SNTG1: variants seen among roughly 807,000 people sequenced by gnomAD.
SNTG1 encodes gamma-1-syntrophin.
In SNTG1, 39 loss-of-function variants were observed where a neutral mutation model predicts 74.7. That is an observed-to-expected ratio of 0.52 (90% CI 0.40 to 0.68). The LOEUF (loss-of-function observed/expected upper bound fraction) is 0.68, where lower values mean the gene tolerates loss of function less well. SNTG1 is among the 30% of genes least tolerant of loss of function. The pLI is 0.00. For missense variants in SNTG1, 685 were observed against 609.5 expected, an observed-to-expected ratio of 1.12 and a Z score of -1.30; for synonymous variants, 254 against 217.1, an observed-to-expected ratio of 1.17 and a Z score of -1.49.
intron 2 of SNTG1, among the ~76,000 whole-genome samples, chr8:50,300,167 A>G (rs1409426095): frequency 6.6e-6 from 1 of 152,176 alleles, no homozygotes; most frequent in Non-Finnish European, 1.5e-5. Flanking sequence ...TGTCAAATTT[A>G]TTGTAATTTT....
At chr8:50,601,842 G>A (rs1177904822) in intron 13 of SNTG1, among the ~76,000 whole-genome samples, 2 of 152,032 alleles carry the variant, frequency 1.3e-5, no homozygotes, top group Admixed American at 6.6e-5. Flanking sequence ...TCCTCTTGAT[G>A]AATTTAACTT....
chr8:50,237,697 G>A (rs1030381756), intron 2 of SNTG1, among the ~76,000 whole-genome samples: 22 of 151,932 alleles, frequency 1.4e-4, no homozygotes, highest in African/African-American at 5.1e-4. Flanking sequence ...ATCCATCACT[G>A]TTAAGATTCT....
chr8:50,391,652 G>A (rs1248552961), intron 2 of SNTG1, among the ~76,000 whole-genome samples: 2 of 152,114 alleles, frequency 1.3e-5, no homozygotes, highest in Admixed American at 6.5e-5. Flanking sequence ...AATGGTACCA[G>A]CTCCTCTTTG....
rs551700367 is a variant in SNTG1 at position 50,457,658 on chromosome 8, G to C, written c.363+6929G>C. ...TTTATTTAAGAATAGAGAGCAGATA[G>C]ACAAGACGGGGGGAATCCTGAAGGG... On this transcript the variant is annotated intron_variant, in intron 8 of 18. Transcript: ENST00000642720. Among the ~76,000 whole-genome samples the C allele has an allele frequency of 2.0e-5, 3 of 152,286 alleles. No homozygotes were observed. The South Asian group carries it at 6.2e-4, about 32-fold the overall frequency.
intron 2 of SNTG1, among the ~76,000 whole-genome samples, chr8:50,284,551 T>G (rs545750343): frequency 6.6e-6 from 1 of 152,262 alleles, no homozygotes; most frequent in Middle Eastern, 3.4e-3. Context: ...TTACTGTTTT[T>G]AAGCACTTCC....
chr8:50,105,795 G>C (rs887251056), intron 1 of SNTG1, among the ~76,000 whole-genome samples: 1 of 151,968 alleles, frequency 6.6e-6, no homozygotes, highest in African/African-American at 2.4e-5. Flanking sequence ...TGTGACTATT[G>C]TGAGTGAGAT....
At chr8:50,266,684 G>A (rs73678719) in intron 2 of SNTG1, among the ~76,000 whole-genome samples, 90,239 of 136,048 alleles carry the variant, frequency 0.66, 30,576 homozygotes, top group East Asian at 0.85. Flanking sequence ...GTGTGTGTGT[G>A]TATATATATA....
intron 8 of SNTG1, among the ~76,000 whole-genome samples, chr8:50,461,469 A>G (rs953079135): frequency 3.9e-5 from 6 of 152,128 alleles, no homozygotes; most frequent in African/African-American, 1.2e-4. Flanking sequence ...AGGGCAGGCT[A>G]TCTACATAAT....
At chr8:50,434,371 G>A (rs944703706) in intron 4 of SNTG1, among the ~76,000 whole-genome samples, 1 of 152,256 alleles carries the variant, frequency 6.6e-6, no homozygotes, top group South Asian at 2.1e-4. Flanking sequence ...TGTCTTTATA[G>A]CAGCATGATT....
rs1404632068 is a variant in SNTG1 at position 50,449,670 on chromosome 8, AG to A, written c.224del (p.Gly75GlufsTer34). 6.3e-7 allele frequency: 1 copy of A among 1,589,924 alleles called. No individual in the cohort carries two copies. On this transcript the variant is annotated frameshift_variant, in exon 6 of 19. Transcript: ENST00000642720. LOFTEE classifies it high-confidence loss of function. The part of the protein sequence containing the change: ...VGGFGLSIKG[G>X]AEHNIPVVVS... ...AATATATGATTTTCTCTTTTCAGGGAGGAGCAGAACATAACATTCCAGTTGT... is the reference window on the plus strand; with the variant it reads ...AATATATGATTTTCTCTTTTCAGGGAGAGCAGAACATAACATTCCAGTTGT...
At chr8:50,591,772 T>C (rs1162915095) in intron 13 of SNTG1, among the ~76,000 whole-genome samples, 2 of 152,220 alleles carry the variant, frequency 1.3e-5, no homozygotes, top group Non-Finnish European at 2.9e-5. Flanking sequence ...TTTGGAGAGT[T>C]AATTGTGTCT....
Position 50,197,145 on chromosome 8 carries a change from C to T in SNTG1, c.-28+24510C>T, listed in dbSNP as rs185763699. On this transcript the variant is annotated intron_variant, in intron 2 of 18. Coordinates refer to ENST00000642720, the MANE Select transcript of SNTG1 (RefSeq NM_018967.5). ...TAGCAAAAATGATTGTTATTTATTT[C>T]CATATTTATTTTTCTTTGTGGTCTT... Among the ~76,000 whole-genome samples the T allele has an allele frequency of 1.5e-3, 230 of 152,188 alleles. 1 individual carries two copies. The highest frequency in any genetic ancestry group is 5.1e-3 in the African/African-American group (210 of 41,522).
chr8:50,263,781 C>T (rs1326512298), intron 2 of SNTG1, among the ~76,000 whole-genome samples: 1 of 152,076 alleles, frequency 6.6e-6, no homozygotes, highest in African/African-American at 2.4e-5. Context: ...ACAGGTAGAG[C>T]AAGCAGAAAA....
chr8:50,001,957 A>G (rs943349818), intron 1 of SNTG1, among the ~76,000 whole-genome samples: 1 of 152,158 alleles, frequency 6.6e-6, no homozygotes, highest in Non-Finnish European at 1.5e-5. Context: ...GGTGACCCAG[A>G]CAGTAAAGCT....
At chr8:50,085,048 G>T (rs1386118401) in intron 1 of SNTG1, among the ~76,000 whole-genome samples, 2 of 152,196 alleles carry the variant, frequency 1.3e-5, no homozygotes, top group East Asian at 3.8e-4. Context: ...TGTAGTTTAA[G>T]TGCACTCTTA....
At chr8:50,562,871 C>T (rs2094496206) in intron 12 of SNTG1, among the ~76,000 whole-genome samples, 1 of 152,114 alleles carries the variant, frequency 6.6e-6, no homozygotes, top group Non-Finnish European at 1.5e-5. Flanking sequence ...CACTAGAGTT[C>T]CTAAATACTT....
intron 2 of SNTG1, among the ~76,000 whole-genome samples, chr8:50,335,176 G>A (rs1391131383): frequency 6.6e-6 from 1 of 152,024 alleles, no homozygotes; most frequent in African/African-American, 2.4e-5. Flanking sequence ...TCTTCTCCTT[G>A]TTCTATTCCT....
rs563664696 is a variant in SNTG1 at position 50,249,090 on chromosome 8, A to G, written c.-28+76455A>G. Among the ~76,000 whole-genome samples the G allele has an allele frequency of 2.2e-3, 330 of 152,130 alleles. 2 individuals are homozygous for G. Among genetic ancestry groups the G allele is most frequent in the African/African-American group, 7.6e-3 (315 of 41,504 alleles). On this transcript the variant is annotated intron_variant, in intron 2 of 18. Coordinates refer to ENST00000642720, the MANE Select transcript of SNTG1 (RefSeq NM_018967.5). The stretch of plus-strand genomic sequence containing the variant: ...CTAGATCAGATCACAGACAGGAGAA[A>G]CCTCTTCCTACAAGGAAAATACAAG...
chr8:50,182,000 G>A (rs1258724149), intron 2 of SNTG1, among the ~76,000 whole-genome samples: 1 of 152,094 alleles, frequency 6.6e-6, no homozygotes, highest in Non-Finnish European at 1.5e-5. Context: ...TAAAAACCAA[G>A]CCAGATTTTC....
Sources: gnomAD v4.1 joint callset for allele counts (sites outside exome capture counted in the v4.1 genomes callset) on GRCh38, gnomAD v4.1.1 for gene constraint, MANE v1.5 for transcripts, NCBI Gene and HGNC (gene_info 2026-07-23, HGNC 2026-07-21) for gene names.